RAB3GAP2: variants seen among roughly 807,000 people sequenced by gnomAD.
RAB3GAP2 encodes the protein rab3 GTPase-activating protein non-catalytic subunit.
In RAB3GAP2, 87 loss-of-function variants were observed where a neutral mutation model predicts 185.3. The observed-to-expected ratio is 0.47, with a 90% CI of 0.39 to 0.56. The LOEUF is 0.56. Ranked by LOEUF, RAB3GAP2 falls within the 20% of genes least tolerant of loss-of-function variation. The pLI, the probability that RAB3GAP2 is intolerant of heterozygous loss-of-function variation, is 0.00. For synonymous variants in RAB3GAP2, 554 were observed against 576.1 expected (o/e 0.96, Z 0.55); for missense variants, 1,492 against 1,638.2 (o/e 0.91, Z 1.54).
chr1:220,153,092 G>A (rs1441705347), intron 33 of RAB3GAP2, 93 bp downstream of exon 33: 9 of 946,296 alleles, frequency 9.5e-6, no homozygotes, highest in Admixed American at 5.1e-5. Context: ...AAAAGGAAGA[G>A]CAAAAGGCTT....
In RAB3GAP2 at chr1:220,151,215, T is replaced by C. The variant is rs1319621845; in HGVS notation, c.*36A>G. Reference sequence around the variant, plus strand: ...AATAACCATGCACTACTTCATGTTATAATCATAATTTTAGACTATTTCCAG... The same window carrying C: ...AATAACCATGCACTACTTCATGTTACAATCATAATTTTAGACTATTTCCAG... On this transcript the variant is annotated 3_prime_UTR_variant, in exon 35 of 35. Transcript: ENST00000358951. The C allele has an allele frequency of 1.3e-6, 2 of 1,596,180 alleles. No homozygotes were observed. The highest frequency in any genetic ancestry group is 1.7e-5 in the Admixed American group (1 of 59,946).
At chr1:220,208,667 A>G (rs1385042811) in intron 7 of RAB3GAP2, among the ~76,000 whole-genome samples, 2 of 152,200 alleles carry the variant, frequency 1.3e-5, no homozygotes, top group East Asian at 3.9e-4. Flanking sequence ...ATTTTAAAAA[A>G]ATTGTACATC....
chr1:220,150,048 T>C lies in RAB3GAP2; in HGVS notation c.*1203A>G, dbSNP rs1265488967. 6.6e-6 allele frequency: 1 copy of C among 151,890 alleles called. No individual in the cohort carries two copies. The highest frequency in any genetic ancestry group is 1.5e-5 in the Non-Finnish European group (1 of 67,968). 9.4% of individuals were successfully genotyped at this position (151,890 alleles called of 1,614,324 possible). ...TCTAAAAATATACCACAATAAATAC[T>C]TGGTATTTGTAGAGCTCAAAGCACT... On this transcript the variant is annotated 3_prime_UTR_variant, in exon 35 of 35. Coordinates refer to ENST00000358951, the MANE Select transcript of RAB3GAP2 (RefSeq NM_012414.4).
intron 2 of RAB3GAP2, among the ~76,000 whole-genome samples, chr1:220,221,773 G>A (rs1376429764): frequency 6.6e-6 from 1 of 152,210 alleles, no homozygotes; most frequent in African/African-American, 2.4e-5. Flanking sequence ...ACACAATGCA[G>A]GCAGACAATA....
chr1:220,247,717 C>A (rs1288930277), intron 1 of RAB3GAP2, among the ~76,000 whole-genome samples: 1 of 152,024 alleles, frequency 6.6e-6, no homozygotes, highest in Non-Finnish European at 1.5e-5. Context: ...ATCTGTGTAA[C>A]AAAAAATTCA....
intron 28 of RAB3GAP2, 69 bp downstream of exon 28, chr1:220,162,129 C>A: frequency 8.2e-7 from 1 of 1,213,184 alleles, no homozygotes. Flanking sequence ...CTAATGTGAA[C>A]AATCTTTCTA....
chr1:220,193,446 G>T (rs552902249), intron 12 of RAB3GAP2, 67 bp from the exon 13 acceptor site: 7 of 1,467,374 alleles, frequency 4.8e-6, no homozygotes, highest in Middle Eastern at 2.0e-4. Context: ...ACAGAATAAC[G>T]AAATGCATAA....
chr1:220,249,745 T>C (rs1659896713), intron 1 of RAB3GAP2, among the ~76,000 whole-genome samples: 1 of 152,170 alleles, frequency 6.6e-6, no homozygotes, highest in African/African-American at 2.4e-5. Flanking sequence ...GTCTTGGGAC[T>C]TGATGCTCTG....
chr1:220,159,428 T>TA lies in RAB3GAP2; in HGVS notation c.3226-8dup. The TA allele has an allele frequency of 6.3e-7, 1 of 1,581,040 alleles. No homozygotes were observed. Among genetic ancestry groups the TA allele is most frequent in the Non-Finnish European group, 8.7e-7 (1 of 1,151,170 alleles). ...CTTTTGGTGATTTTCCAACCTAAAA[T>TA]AAAAAGATAAAATGTTGTAACATTT... On this transcript the variant is annotated splice_region_variant and splice_polypyrimidine_tract_variant and intron_variant, in intron 28 of 34. Coordinates refer to ENST00000358951, the MANE Select transcript of RAB3GAP2 (RefSeq NM_012414.4).
In RAB3GAP2 at chr1:220,196,260, TAGA is replaced by T. The variant is rs1558151600; in HGVS notation, c.947_949del (p.Phe316del). 7 of 1,613,370 alleles carry T rather than the reference TAGA, an allele frequency of 4.3e-6. No individual in the cohort carries two copies. The highest frequency in any genetic ancestry group is 5.9e-6 in the Non-Finnish European group (7 of 1,179,404). ...TGATAAAACTCATACCTCTAAAGCA[TAGA>T]AGAAGCCAGTAAATGGATTGGACCC... On this transcript the variant is annotated inframe_deletion, in exon 10 of 35. Coordinates refer to ENST00000358951, the MANE Select transcript of RAB3GAP2 (RefSeq NM_012414.4).
chr1:220,227,079 T>A (rs1413634669), intron 2 of RAB3GAP2, among the ~76,000 whole-genome samples: 2 of 152,122 alleles, frequency 1.3e-5, no homozygotes, highest in African/African-American at 4.8e-5. Context: ...TGCGAAAAAA[T>A]AAGTTTTTGT....
chr1:220,268,012 T>A, intron 1 of RAB3GAP2: 2 of 521,664 alleles, frequency 3.8e-6, no homozygotes, highest in South Asian at 3.3e-5. Context: ...CACAAGTAAT[T>A]GAGGTGTTTT....
intron 21 of RAB3GAP2, among the ~76,000 whole-genome samples, chr1:220,179,244 C>CAAAAAAAAAAAA (rs71169437): frequency 1.1e-3 from 64 of 56,510 alleles, no homozygotes; most frequent in East Asian, 1.9e-3. Flanking sequence ...GAGACTGTCT[C>CAAAAAAAAAAAA]AAAAAAAAAA....
At chr1:220,263,741 C>G (rs1488476511) in intron 1 of RAB3GAP2, among the ~76,000 whole-genome samples, 1 of 151,922 alleles carries the variant, frequency 6.6e-6, no homozygotes, top group Non-Finnish European at 1.5e-5. Flanking sequence ...CTTGTTTCTT[C>G]TTTTCCAAAA....
At chr1:220,217,392 T>C (rs1187240034) in intron 2 of RAB3GAP2, among the ~76,000 whole-genome samples, 1 of 152,182 alleles carries the variant, frequency 6.6e-6, no homozygotes, top group East Asian at 1.9e-4. Context: ...CTTGAGGTAT[T>C]TCTTCAAGAA....
intron 26 of RAB3GAP2, among the ~76,000 whole-genome samples, chr1:220,166,114 G>A (rs925171479): frequency 3.3e-5 from 5 of 152,208 alleles, no homozygotes; most frequent in Non-Finnish European, 5.9e-5. Context: ...GTCAACTGAA[G>A]AGGGTGATTT....
intron 1 of RAB3GAP2, chr1:220,267,440 C>G (rs955160360): frequency 7.3e-7 from 1 of 1,368,560 alleles, no homozygotes; most frequent in Non-Finnish European, 1.0e-6. Flanking sequence ...ACCCTAAGAG[C>G]CAGAATAAAC....
chr1:220,220,474 T>C (rs556992400), intron 2 of RAB3GAP2: 5 of 152,546 alleles, frequency 3.3e-5, no homozygotes, highest in African/African-American at 9.6e-5. Flanking sequence ...ATGTGCATCA[T>C]CACGAGTAGG....
At chr1:220,152,011 T>G (rs549258289) in intron 33 of RAB3GAP2, among the ~76,000 whole-genome samples, 13 of 152,356 alleles carry the variant, frequency 8.5e-5, no homozygotes, top group African/African-American at 3.1e-4. Flanking sequence ...CTCAGTGTGC[T>G]GTTTTCAAAC....
Sources: allele counts gnomAD v4.1 joint callset (sites outside exome capture counted in the v4.1 genomes callset), GRCh38; gene constraint gnomAD v4.1.1; transcripts MANE v1.5; gene names NCBI Gene and HGNC (gene_info 2026-07-23, HGNC 2026-07-21).